MDGA2: variants seen among roughly 807,000 people sequenced by gnomAD.
MDGA2 encodes MAM domain containing glycosylphosphatidylinositol anchor 2, also known as MAM domain-containing glycosylphosphatidylinositol anchor protein 2.
A neutral mutation model predicts 117.8 loss-of-function variants in MDGA2; 40 were observed. The ratio of observed to expected loss-of-function variants is 0.34; its 90% CI spans 0.26 to 0.44. The LOEUF (loss-of-function observed/expected upper bound fraction) is 0.44, where lower values mean the gene tolerates loss of function less well. Ranked by LOEUF, MDGA2 falls within the 20% of genes least tolerant of loss-of-function variation. The pLI is 1.00. For missense variants in MDGA2, 1,123 were observed against 1,250.6 expected (o/e 0.90, Z 1.54); for synonymous variants, 452 against 439.0 (o/e 1.03, Z -0.37).
intron 1 of MDGA2, among the ~76,000 whole-genome samples, chr14:47,471,717 T>C (rs1893732436): frequency 6.6e-6 from 1 of 152,062 alleles, no homozygotes; most frequent in African/African-American, 2.4e-5. Flanking sequence ...TATTTACTCA[T>C]TGGGAATTAA....
chr14:47,667,409 G>T (rs2138310015), intron 1 of MDGA2, among the ~76,000 whole-genome samples: 1 of 152,298 alleles, frequency 6.6e-6, no homozygotes, highest in Admixed American at 6.5e-5. Context: ...ATCCATCAGT[G>T]AGAAGAGTAA....
chr14:47,596,212 G>A (rs1324735213), intron 1 of MDGA2, among the ~76,000 whole-genome samples: 2 of 152,162 alleles, frequency 1.3e-5, no homozygotes, highest in Non-Finnish European at 2.9e-5. Context: ...ATATCTAAAT[G>A]AAATTTAAAG....
chr14:47,360,368 A>AATAT (rs929759316), intron 1 of MDGA2, among the ~76,000 whole-genome samples: 23 of 135,662 alleles, frequency 1.7e-4, no homozygotes, highest in African/African-American at 6.0e-4. Context: ...TAAATAAATA[A>AATAT]ATAAATAAAT....
chr14:47,246,862 A>T (rs1887256907), intron 2 of MDGA2, among the ~76,000 whole-genome samples: 1 of 148,206 alleles, frequency 6.7e-6, no homozygotes, highest in Admixed American at 6.7e-5. Context: ...AAGCCAGATG[A>T]TCCCTAGGAG....
chr14:47,486,132 C>T (rs573004773), intron 1 of MDGA2, among the ~76,000 whole-genome samples: 1 of 152,282 alleles, frequency 6.6e-6, no homozygotes, highest in East Asian at 1.9e-4. Context: ...TGAAAGCAGC[C>T]AGGAGGGAGG....
intron 2 of MDGA2, among the ~76,000 whole-genome samples, chr14:47,277,662 T>G (rs556327549): frequency 1.3e-5 from 2 of 152,264 alleles, no homozygotes; most frequent in African/African-American, 4.8e-5. Context: ...TATAGGTCAC[T>G]TGGACCTAAT....
chr14:47,571,297 C>A (rs995639703), intron 1 of MDGA2, among the ~76,000 whole-genome samples: 3 of 152,164 alleles, frequency 2.0e-5, no homozygotes, highest in Non-Finnish European at 2.9e-5. Context: ...TGCTTTTACA[C>A]TGTTGGTGGG....
intron 1 of MDGA2, among the ~76,000 whole-genome samples, chr14:47,651,213 G>GGTGTGTGTGTGTGTGTGT (rs56853118): frequency 1.4e-5 from 2 of 146,416 alleles, no homozygotes; most frequent in South Asian, 2.2e-4. Context: ...GTGTGCATGT[G>GGTGTGTGTGTGTGTGTGT]GTGTGTGTGT....
At chr14:47,105,567 C>G (rs1249947845) in intron 5 of MDGA2, among the ~76,000 whole-genome samples, 1 of 152,186 alleles carries the variant, frequency 6.6e-6, no homozygotes, top group African/African-American at 2.4e-5. Context: ...CCAATACAAA[C>G]TCGACAGTAG....
chr14:47,211,479 G>A (rs995726059), intron 3 of MDGA2, among the ~76,000 whole-genome samples: 1 of 152,114 alleles, frequency 6.6e-6, no homozygotes, highest in Non-Finnish European at 1.5e-5. Flanking sequence ...TGAATGCCAG[G>A]CACACCATTG....
intron 8 of MDGA2, among the ~76,000 whole-genome samples, chr14:47,002,786 A>G (rs955981379): frequency 6.6e-6 from 1 of 152,074 alleles, no homozygotes; most frequent in Non-Finnish European, 1.5e-5. Context: ...AATTAATGAT[A>G]TTTTTAGATA....
At chr14:47,545,570 C>G (rs574825952) in intron 1 of MDGA2, among the ~76,000 whole-genome samples, 34 of 152,158 alleles carry the variant, frequency 2.2e-4, no homozygotes, top group Admixed American at 3.3e-4. Context: ...GAAAACTATG[C>G]AGGGTTCTAC....
At chr14:47,351,902 A>AACACACACACAC (rs35860893) in intron 1 of MDGA2, among the ~76,000 whole-genome samples, 193 of 148,502 alleles carry the variant, frequency 1.3e-3, no homozygotes, top group African/African-American at 2.6e-3. Context: ...CTCTAAATTA[A>AACACACACACAC]ACACACACAC....
intron 1 of MDGA2, among the ~76,000 whole-genome samples, chr14:47,575,155 G>A (rs537422904): frequency 2.0e-5 from 3 of 152,164 alleles, no homozygotes; most frequent in Admixed American, 6.5e-5. Context: ...TTTACAAAAC[G>A]CAATCAATAT....
At chr14:47,384,025 T>TAGATAAATAGA (rs60630027) in intron 1 of MDGA2, among the ~76,000 whole-genome samples, 1 of 143,844 alleles carries the variant, frequency 7.0e-6, no homozygotes, top group Non-Finnish European at 1.5e-5. Flanking sequence ...AATAGATAGA[T>TAGATAAATAGA]TAGATAAAGA....
At chr14:47,361,196 T>TCC (rs201447535) in intron 1 of MDGA2, among the ~76,000 whole-genome samples, 27 of 134,398 alleles carry the variant, frequency 2.0e-4, no homozygotes, top group Admixed American at 5.1e-4. Flanking sequence ...ACTCTCTCTC[T>TCC]CTCTCTCTCT....
intron 10 of MDGA2, among the ~76,000 whole-genome samples, chr14:46,882,961 G>C (rs1882523971): frequency 6.6e-6 from 1 of 151,856 alleles, no homozygotes; most frequent in Non-Finnish European, 1.5e-5. Flanking sequence ...ATTGTAATAT[G>C]TTAAAAGAAG....
chr14:47,001,904 A>G (rs1887543703), intron 8 of MDGA2, among the ~76,000 whole-genome samples: 1 of 152,028 alleles, frequency 6.6e-6, no homozygotes, highest in African/African-American at 2.4e-5. Context: ...GGGGAGGGAG[A>G]GGGAGAGCAC....
At chr14:47,522,051 C>T (rs1337423814) in intron 1 of MDGA2, among the ~76,000 whole-genome samples, 1 of 152,018 alleles carries the variant, frequency 6.6e-6, no homozygotes, top group Non-Finnish European at 1.5e-5. Context: ...ATATATTAAG[C>T]CCCTGAATGA....
Sources: gnomAD v4.1 joint callset for allele counts (sites outside exome capture counted in the v4.1 genomes callset) on GRCh38, gnomAD v4.1.1 for gene constraint, MANE v1.5 for transcripts, NCBI Gene and HGNC (gene_info 2026-07-23, HGNC 2026-07-21) for gene names.